ABCA2: variants seen among roughly 807,000 people sequenced by gnomAD.
ABCA2 encodes ATP-binding cassette sub-family A member 2.
Under a neutral mutation model 262.8 loss-of-function variants are expected in ABCA2, and 84 were observed. That is an observed-to-expected ratio of 0.32 (90% CI 0.27 to 0.38). ABCA2 has a LOEUF of 0.38. Among genes scored for constraint, ABCA2 ranks in the 10% least tolerant of loss-of-function variants. The probability of loss-of-function intolerance (pLI) is 1.00; values close to 1 mark genes in which losing one functional copy is unlikely to be tolerated. For missense variants in ABCA2, 2,662 were observed against 3,405.9 expected (o/e 0.78, Z 5.44); for synonymous variants, 1,696 against 1,502.9 (o/e 1.13, Z -2.97).
At chr9:137,024,281 G>T in intron 1 of ABCA2, 45 bp from the exon 2 acceptor site, 1 of 1,503,462 alleles carries the variant, frequency 6.7e-7, no homozygotes. Flanking sequence ...ACCTGTGCTC[G>T]CCTAGGCCCT....
In ABCA2 at chr9:137,022,685, C is replaced by G; in HGVS notation, c.439+17G>C. 3 of 1,601,466 alleles carry G rather than the reference C, an allele frequency of 1.9e-6. No individual in the cohort carries two copies. The South Asian group carries it at 3.4e-5, about 18-fold the overall frequency. ...TGCCCGCAGCCCTGCCCCCCAACTT[C>G]CCTGCACAGGGCACACCTGTGGATC... On this transcript the variant is annotated intron_variant, in intron 5 of 48. Coordinates refer to ENST00000341511, the MANE Select transcript of ABCA2 (RefSeq NM_001606.5).
chr9:137,013,794 G>A, intron 28 of ABCA2, 38 bp downstream of exon 28: 1 of 1,567,628 alleles, frequency 6.4e-7, no homozygotes, highest in Non-Finnish European at 8.6e-7. Context: ...GCGGTGGGGG[G>A]AGGCAAGCCC....
rs769460541 is a variant in ABCA2, at chr9:137,011,424, G to C, written c.5782C>G (p.Leu1928Val). 1.2e-6 allele frequency: 2 copies of C among 1,611,480 alleles called. No homozygotes were observed. Among genetic ancestry groups the C allele is most frequent in the Non-Finnish European group, 1.7e-6 (2 of 1,179,432 alleles). ...CGCCCCACCTTGTCGTGCTCGAAGA[G>C]CTGTAGCAGGAAGGTGGCCACGGTG... Reference protein sequence around the residue: ...TATVATFLLQLFEHDKDLKVV... With the variant: ...TATVATFLLQVFEHDKDLKVV... Residue 1928 changes from leucine (L) to valine (V), a missense_variant, in exon 37 of 49, where the codon CTC becomes GTC. Around this residue, in one of 12 missense-constraint regions of ABCA2, gnomAD observed 602 missense variants for 897.4 expected, o/e 0.67. Coordinates refer to ENST00000341511, the MANE Select transcript of ABCA2 (RefSeq NM_001606.5). The surrounding 1 kb of genome is among the most constrained non-coding windows in gnomAD (Gnocchi z 8.8).
chr9:137,024,093 C>A, intron 2 of ABCA2, 50 bp downstream of exon 2: 5 of 1,560,112 alleles, frequency 3.2e-6, no homozygotes, highest in South Asian at 1.2e-5. Flanking sequence ...CGCAGGCGTG[C>A]GAGGTGCCGC....
chr9:137,020,642 C>T (rs1033804179), intron 9 of ABCA2, 52 bp downstream of exon 9: 15 of 1,587,512 alleles, frequency 9.4e-6, no homozygotes, highest in Admixed American at 3.4e-5. Context: ...TCAGGGCTCA[C>T]GCCCTGCCCC....
chr9:137,023,632 G>A (rs1588529248), intron 3 of ABCA2: 3 of 698,292 alleles, frequency 4.3e-6, no homozygotes, highest in Non-Finnish European at 7.8e-6. Context: ...CACCAGCTGT[G>A]CCTTTAGGTG....
At position 137,028,053 on chromosome 9, in the gene ABCA2, C is replaced by T. The variant is rs988659486; in HGVS notation, c.66+22G>A. On this transcript the variant is annotated intron_variant, in intron 1 of 48. Coordinates refer to ENST00000341511, the MANE Select transcript of ABCA2 (RefSeq NM_001606.5). This position sits in a 1 kb window ranked among gnomAD's most constrained non-coding sequence, Gnocchi z 6.9. ...GGTGCGCGCGGCCTCGGGCTGAGGG[C>T]GGGCGCGTGGGGTGGGCTCACCGGG... 5 of 980,566 alleles carry T rather than the reference C, an allele frequency of 5.1e-6. No homozygotes were observed. Among genetic ancestry groups the T allele is most frequent in the Admixed American group, 1.3e-4 (2 of 15,792 alleles). 60.7% of individuals were successfully genotyped at this position (980,566 alleles called of 1,614,324 possible). A position where few individuals can be genotyped will look rare whatever the true frequency, so the allele number is the denominator to read the frequency against.
Position 137,018,738 on chromosome 9 carries a change from G to A in ABCA2, c.1800C>T (p.Asp600=). 1 of 1,611,802 alleles carries A rather than the reference G, an allele frequency of 6.2e-7. No individual in the cohort carries two copies. Among genetic ancestry groups the A allele is most frequent in the Non-Finnish European group, 8.5e-7 (1 of 1,179,808 alleles). The change falls in exon 13 of 49, where the codon GAC becomes GAT. Residue 600 remains aspartate, a synonymous_variant. Transcript: ENST00000341511. ...VNYTLNQAYQ[D]NVTVFASVIF... is the part of the protein sequence containing the mutation. ...GCTCACTGGCAAAAACAGTGACGTTGTCCTGGTAGGCCTGGTTGAGGGTGT... is the reference window on the plus strand; with the variant it reads ...GCTCACTGGCAAAAACAGTGACGTTATCCTGGTAGGCCTGGTTGAGGGTGT...
In ABCA2 at chr9:137,021,298, G is replaced by C. The variant is rs779907523; in HGVS notation, c.897+94C>G. The C allele has an allele frequency of 1.5e-5, 22 of 1,479,160 alleles. No homozygotes were observed. The highest frequency in any genetic ancestry group is 2.0e-5 in the Non-Finnish European group (22 of 1,097,204). 91.6% of individuals were successfully genotyped at this position (1,479,160 alleles called of 1,614,324 possible). A position where few individuals can be genotyped will look rare whatever the true frequency, so the allele number is the denominator to read the frequency against. ...CAGGCAGCATCCCACGCACAGCCTG[G>C]GCCCAGGAGCCCTGAGCTCTCCAAG... On this transcript the variant is annotated intron_variant, in intron 8 of 48. Transcript: ENST00000341511. The surrounding 1 kb of genome is among the most constrained non-coding windows in gnomAD (Gnocchi z 6.0).
chr9:137,021,131 G>A lies in ABCA2; in HGVS notation c.898-70C>T, dbSNP rs973706630. 31 of 1,438,892 alleles carry A rather than the reference G, an allele frequency of 2.2e-5. No individual in the cohort carries two copies. The highest frequency in any genetic ancestry group is 2.9e-5 in the African/African-American group (2 of 69,810). 89.1% of individuals were successfully genotyped at this position (1,438,892 alleles called of 1,614,324 possible). A position where few individuals can be genotyped will look rare whatever the true frequency, so the allele number is the denominator to read the frequency against. Reference sequence around the variant, plus strand: ...GCAGGTGGGTGATAGGTCAGGAGTGGAGCAGGGAGACAGCAGCAGGGAGAC... The same window carrying A: ...GCAGGTGGGTGATAGGTCAGGAGTGAAGCAGGGAGACAGCAGCAGGGAGAC... On this transcript the variant is annotated intron_variant, in intron 8 of 48. Coordinates refer to ENST00000341511, the MANE Select transcript of ABCA2 (RefSeq NM_001606.5). This position sits in a 1 kb window ranked among gnomAD's most constrained non-coding sequence, Gnocchi z 6.0.
rs762691526 is a variant in ABCA2 at position 137,021,494 on chromosome 9, C to T, written c.795G>A (p.Arg265=). The T allele has an allele frequency of 1.2e-6, 2 of 1,610,604 alleles. No homozygotes were observed. Among genetic ancestry groups the T allele is most frequent in the South Asian group, 2.2e-5 (2 of 90,714 alleles). ...ESQKGALQGY[R]DAVCSGQAAA... ...CAGCCTGCCCACTGCAGACAGCATC[C>T]CGGTAGCCCTGCAGGGCTCCCTTCT... Residue 265 remains arginine, a synonymous_variant, in exon 8 of 49, where the codon CGG becomes CGA. Coordinates refer to ENST00000341511, the MANE Select transcript of ABCA2 (RefSeq NM_001606.5). This position sits in a 1 kb window ranked among gnomAD's most constrained non-coding sequence, Gnocchi z 6.0.
In ABCA2 at chr9:137,009,858, C is replaced by T. The variant is rs557920410; in HGVS notation, c.6541G>A (p.Asp2181Asn). Residue 2181 changes from aspartate to asparagine, a missense_variant, in exon 43 of 49, where the codon GAC becomes AAC. Physicochemically the swap from Asp to Asn is conservative, Grantham distance 23. Transcript: ENST00000341511. ...LEKLELTKYADKPAGTYSGGN... is the reference protein window; with the variant it reads ...LEKLELTKYANKPAGTYSGGN... ...CCGCTGTAGGTGCCAGCCGGCTTGT[C>T]TGCGTACTTGGTCAGCTCCAGCTTC... is the stretch of plus-strand genomic sequence containing the variant. 304 of 1,612,360 alleles carry T rather than the reference C, an allele frequency of 1.9e-4. 2 individuals are homozygous for T. In the South Asian group the frequency reaches 3.0e-3, roughly 16 times the overall value.
chr9:137,015,166 C>A (rs1831211682), intron 24 of ABCA2, 69 bp from the exon 25 acceptor site: 3 of 1,487,606 alleles, frequency 2.0e-6, no homozygotes, highest in Non-Finnish European at 1.8e-6. Context: ...AATGGGAACC[C>A]AACTGGGTCA....
intron 3 of ABCA2, chr9:137,023,450 G>C (rs1831547670): frequency 2.8e-6 from 2 of 715,778 alleles, no homozygotes; most frequent in African/African-American, 1.7e-5. Flanking sequence ...TGGCCAGCTG[G>C]TTAGCAGAGT....
intron 26 of ABCA2, 44 bp from the exon 27 acceptor site, chr9:137,014,448 C>T (rs1484113295): frequency 6.5e-6 from 10 of 1,537,838 alleles, no homozygotes; most frequent in Non-Finnish European, 7.9e-6. Flanking sequence ...GGCTACTGGC[C>T]CCTAGGCCTG....
Position 137,021,668 on chromosome 9 carries a change from G to A in ABCA2, c.679-58C>T. The A allele has an allele frequency of 2.0e-6, 3 of 1,509,462 alleles. No individual in the cohort carries two copies. Among genetic ancestry groups the A allele is most frequent in the Admixed American group, 2.0e-5 (1 of 50,452 alleles). 93.5% of individuals were successfully genotyped at this position (1,509,462 alleles called of 1,614,324 possible). A position where few individuals can be genotyped will look rare whatever the true frequency, so the allele number is the denominator to read the frequency against. On this transcript the variant is annotated intron_variant, in intron 7 of 48. Transcript: ENST00000341511. This position sits in a 1 kb window ranked among gnomAD's most constrained non-coding sequence, Gnocchi z 6.0. ...GCAAGGACTTTGTCCCCAACCACTA[G>A]GGCCTCAGGCCTCACCCTGCCCCAC...
Position 137,014,277 on chromosome 9 carries a change from T to C in ABCA2, c.4131A>G (p.Ser1377=), listed in dbSNP as rs764440190. Residue 1377 remains serine (S), a synonymous_variant, in exon 27 of 49, where the codon TCA becomes TCG. Transcript: ENST00000341511. ...TQSQASLQSA[S]SVGSARGDEG... ...CGTCGCCACGGGCAGAGCCCACAGA[T>C]GACGCCGACTGCAGCGATGCCTGCG... 22 of 1,611,266 alleles carry C rather than the reference T, an allele frequency of 1.4e-5. 1 individual carries two copies. The Admixed American group carries it at 2.8e-4, about 21-fold the overall frequency.
chr9:137,017,318 C>G lies in ABCA2; in HGVS notation c.2431G>C (p.Ala811Pro), dbSNP rs1831296609. 1 of 1,612,518 alleles carries G rather than the reference C, an allele frequency of 6.2e-7. No individual in the cohort carries two copies. The highest frequency in any genetic ancestry group is 1.3e-5 in the African/African-American group (1 of 74,928). ...CFLVSVLYSK[A>P]KLASACGGII... ...CCACCGCAGGCCGAGGCCAGCTTGG[C>G]CTTGGAGTACAGCACAGACACCAGG... Residue 811 changes from alanine (A) to proline (P), a missense_variant, in exon 18 of 49, where the codon GCC becomes CCC. This residue lies in a region of ABCA2 where 188 missense variants were observed against 343.4 expected (regional missense o/e 0.55). Transcript: ENST00000341511.
chr9:137,020,411 G>A lies in ABCA2; in HGVS notation c.1350C>T (p.Leu450=), dbSNP rs1054522486. The A allele has an allele frequency of 7.4e-6, 12 of 1,612,790 alleles. No individual in the cohort carries two copies. Among genetic ancestry groups the A allele is most frequent in the South Asian group, 3.3e-5 (3 of 91,086 alleles). The change falls in exon 10 of 49, where the codon CTC becomes CTT. Residue 450 remains leucine (L), a synonymous_variant. Transcript: ENST00000341511. ...TGGGGTTGCTGGTCATGAGGTGCAC[G>A]AGGAGGCCCAGGTTCCGCTGCTCCT... The part of the protein sequence containing the change: ...TSKEQRNLGL[L]VHLMTSNPKI...
Sources: allele counts gnomAD v4.1 joint callset, GRCh38; gene constraint gnomAD v4.1.1; regional missense constraint gnomAD v4.1.1; non-coding constraint Gnocchi (gnomAD v3.1); transcripts MANE v1.5; gene names NCBI Gene and HGNC (gene_info 2026-07-23, HGNC 2026-07-21).